CCDC178: variants seen among roughly 807,000 people sequenced by gnomAD.
CCDC178 encodes coiled-coil domain-containing protein 178.
In CCDC178, 126 loss-of-function variants were observed where a neutral mutation model predicts 117.4. The ratio of observed to expected loss-of-function variants is 1.07; its 90% CI spans 0.93 to 1.24. The LOEUF (loss-of-function observed/expected upper bound fraction) is 1.24. CCDC178 is among the 50% of genes most tolerant of loss of function. The probability of loss-of-function intolerance (pLI) is 0.00; values close to 1 mark genes in which losing one functional copy is unlikely to be tolerated. For synonymous variants in CCDC178, 283 were observed against 313.4 expected (o/e 0.90, Z 1.02); for missense variants, 1,030 against 986.9 (o/e 1.04, Z -0.59).
chr18:33,363,828 G>A (rs2063162000), intron 6 of CCDC178, among the ~76,000 whole-genome samples: 1 of 152,082 alleles, frequency 6.6e-6, no homozygotes, highest in Admixed American at 6.6e-5. Context: ...AAAGGTCATT[G>A]TAGTTTGCAT....
intron 20 of CCDC178, among the ~76,000 whole-genome samples, chr18:33,209,040 A>G (rs1353287695): frequency 1.3e-5 from 2 of 152,044 alleles, no homozygotes; most frequent in African/African-American, 4.8e-5. Context: ...GACAACTCAT[A>G]ACAAATTATA....
chr18:33,286,204 T>C (rs1414284205), intron 12 of CCDC178, among the ~76,000 whole-genome samples: 1 of 152,112 alleles, frequency 6.6e-6, no homozygotes, highest in Non-Finnish European at 1.5e-5. Context: ...CTCGAACTCC[T>C]GACCTGGTGA....
intron 15 of CCDC178, 42 bp downstream of exon 15, chr18:33,245,203 C>G: frequency 6.9e-7 from 1 of 1,448,686 alleles, no homozygotes; most frequent in Non-Finnish European, 9.2e-7. Context: ...GTAAATTACT[C>G]TTTTTTTCAT....
intron 21 of CCDC178, among the ~76,000 whole-genome samples, chr18:33,017,207 TA>T (rs888038538): frequency 6.6e-6 from 1 of 151,766 alleles, no homozygotes. Flanking sequence ...TAGAAAATCT[TA>T]AAAAATCAGT....
chr18:33,023,642 T>C (rs2056167197), intron 21 of CCDC178, among the ~76,000 whole-genome samples: 2 of 152,062 alleles, frequency 1.3e-5, no homozygotes, highest in Admixed American at 6.6e-5. Context: ...AAATCAGCAA[T>C]CTTAGCTTCC....
intron 19 of CCDC178, among the ~76,000 whole-genome samples, chr18:33,212,905 T>C (rs948377792): frequency 1.4e-4 from 22 of 152,106 alleles, no homozygotes; most frequent in African/African-American, 5.3e-4. Flanking sequence ...CAACTCAGTG[T>C]CCAGATTAAG....
intron 22 of CCDC178, among the ~76,000 whole-genome samples, chr18:32,953,096 T>C (rs1402399153): frequency 6.6e-6 from 1 of 152,120 alleles, no homozygotes; most frequent in South Asian, 2.1e-4. Context: ...TTATGCTCTG[T>C]CACCTCTTGA....
At chr18:33,231,598 T>C (rs1450099388) in intron 15 of CCDC178, among the ~76,000 whole-genome samples, 1 of 152,186 alleles carries the variant, frequency 6.6e-6, no homozygotes, top group Admixed American at 6.5e-5. Flanking sequence ...GGAGTAAAGC[T>C]AGGCTTTATC....
chr18:33,067,291 A>C (rs1470224189), intron 21 of CCDC178, among the ~76,000 whole-genome samples: 1 of 152,212 alleles, frequency 6.6e-6, no homozygotes, highest in African/African-American at 2.4e-5. Flanking sequence ...GATGTCAAAA[A>C]ATCTCCTAAA....
chr18:33,107,861 T>G (rs558867612), intron 20 of CCDC178, among the ~76,000 whole-genome samples: 1 of 151,860 alleles, frequency 6.6e-6, no homozygotes, highest in African/African-American at 2.4e-5. Context: ...TCTTTGTGTG[T>G]TAGCATTGTG....
chr18:32,939,792 C>T (rs1162204657), intron 22 of CCDC178, among the ~76,000 whole-genome samples: 3 of 152,070 alleles, frequency 2.0e-5, no homozygotes, highest in African/African-American at 7.2e-5. Context: ...CTTCAGACAC[C>T]TGTCAGTAAT....
intron 2 of CCDC178, among the ~76,000 whole-genome samples, chr18:33,428,730 CAAAAAAAAAAAAAA>C (rs35234261): frequency 4.7e-5 from 2 of 42,378 alleles, no homozygotes; most frequent in Non-Finnish European, 8.9e-5. Flanking sequence ...GACTCTGTCT[CAAAAAAAAAAAAAA>C]AAAAAAAAAG....
intron 20 of CCDC178, among the ~76,000 whole-genome samples, chr18:33,148,399 C>T (rs993719000): frequency 4.6e-5 from 7 of 151,398 alleles, no homozygotes; most frequent in Non-Finnish European, 8.8e-5. Flanking sequence ...GGCTCGGCAT[C>T]AGAGGGAGAC....
chr18:33,398,170 T>C (rs879412178), intron 3 of CCDC178, among the ~76,000 whole-genome samples: 2 of 152,046 alleles, frequency 1.3e-5, no homozygotes, highest in Non-Finnish European at 2.9e-5. Flanking sequence ...TGAATATGTC[T>C]AATATTCTAA....
At chr18:33,368,346 T>C (rs2063246219) in intron 6 of CCDC178, among the ~76,000 whole-genome samples, 2 of 152,010 alleles carry the variant, frequency 1.3e-5, no homozygotes, top group Middle Eastern at 3.2e-3. Context: ...TTTACTTTTT[T>C]ATTCAACAGA....
intron 5 of CCDC178, among the ~76,000 whole-genome samples, chr18:33,374,846 C>T (rs2063343963): frequency 6.6e-6 from 1 of 152,102 alleles, no homozygotes; most frequent in African/African-American, 2.4e-5. Context: ...CAGACATTTT[C>T]CTGAGTCTGA....
At chr18:33,389,098 C>T (rs532083514) in intron 5 of CCDC178, among the ~76,000 whole-genome samples, 5 of 152,038 alleles carry the variant, frequency 3.3e-5, no homozygotes, top group African/African-American at 1.2e-4. Flanking sequence ...ATGTGTTTAC[C>T]TATGTAAAAA....
Position 32,985,703 on chromosome 18 carries a change from T to C in CCDC178, c.2389-11022A>G, listed in dbSNP as rs115737771. Among the ~76,000 whole-genome samples the C allele has an allele frequency of 9.5e-3, 1,443 of 152,084 alleles. 23 individuals carry two copies. Among genetic ancestry groups the C allele is most frequent in the African/African-American group, 0.033 (1,358 of 41,556 alleles). On this transcript the variant is annotated intron_variant, in intron 21 of 22. Coordinates refer to ENST00000383096, the MANE Select transcript of CCDC178 (RefSeq NM_001105528.4). Reference sequence around the variant, plus strand: ...AGATACTCAAAGAATCTAAAAAGAATATAAATAGCAATGATTAATATAAAT... The same window carrying C: ...AGATACTCAAAGAATCTAAAAAGAACATAAATAGCAATGATTAATATAAAT...
At chr18:32,951,002 T>C (rs1194367036) in intron 22 of CCDC178, among the ~76,000 whole-genome samples, 1 of 152,196 alleles carries the variant, frequency 6.6e-6, no homozygotes, top group Non-Finnish European at 1.5e-5. Flanking sequence ...TAATCCACTA[T>C]ACATTTCTCT....
Sources: allele counts gnomAD v4.1 joint callset (sites outside exome capture counted in the v4.1 genomes callset), GRCh38; gene constraint gnomAD v4.1.1; transcripts MANE v1.5; gene names NCBI Gene and HGNC (gene_info 2026-07-23, HGNC 2026-07-21).